RAD51B: variants seen among roughly 807,000 people sequenced by gnomAD.
RAD51B encodes DNA repair protein RAD51 homolog 2.
A neutral mutation model predicts 42.2 loss-of-function variants in RAD51B; 38 were observed. The ratio of observed to expected loss-of-function variants is 0.90; its 90% confidence interval spans 0.70 to 1.18. RAD51B has a LOEUF of 1.18. Ranked by LOEUF, RAD51B falls within the 50% of genes most tolerant of loss-of-function variation. The pLI, the probability that RAD51B is intolerant of heterozygous loss-of-function variation, is 0.00. For synonymous variants in RAD51B, 154 were observed against 145.2 expected (o/e 1.06, Z -0.43); for missense variants, 373 against 400.7 (o/e 0.93, Z 0.59).
At chr14:68,198,732 C>G (rs943356926) in intron 7 of RAD51B, among the ~76,000 whole-genome samples, 2 of 152,076 alleles carry the variant, frequency 1.3e-5, no homozygotes, top group South Asian at 4.1e-4. Flanking sequence ...ATTATTATTT[C>G]TATATTATTA....
chr14:67,893,507 CACAAAA>C (rs1164351808), intron 7 of RAD51B, among the ~76,000 whole-genome samples: 930 of 75,376 alleles, frequency 0.012, 16 homozygotes, highest in East Asian at 0.037. Context: ...CACACACACA[CACAAAA>C]AAAAACAATT....
At chr14:68,285,431 ATGAAAGGCAGAGCCTCGTCACTT>A (rs893559306) in intron 7 of RAD51B, among the ~76,000 whole-genome samples, 7 of 152,346 alleles carry the variant, frequency 4.6e-5, no homozygotes, top group African/African-American at 1.7e-4. Context: ...TTCAGAGCTG[ATGAAAGGCAGAGCCTCGTCACTT>A]TGAAAGCATT....
chr14:68,062,080 T>C (rs1392244128), intron 7 of RAD51B, among the ~76,000 whole-genome samples: 1 of 152,196 alleles, frequency 6.6e-6, no homozygotes, highest in Non-Finnish European at 1.5e-5. Context: ...CCTTCTATAC[T>C]GAATTCATTG....
intron 8 of RAD51B, among the ~76,000 whole-genome samples, chr14:68,335,432 A>G (rs548380241): frequency 1.2e-4 from 19 of 152,200 alleles, no homozygotes; most frequent in Non-Finnish European, 2.2e-4. Context: ...TACAATCAGC[A>G]TACTTTAGTC....
intron 11 of RAD51B, among the ~76,000 whole-genome samples, chr14:68,682,368 G>T (rs1893450198): frequency 6.6e-6 from 1 of 152,176 alleles, no homozygotes. Context: ...GCCAGTTCCA[G>T]TTGTCAGACA....
chr14:67,926,667 G>A (rs552190385), intron 7 of RAD51B, among the ~76,000 whole-genome samples: 8 of 147,454 alleles, frequency 5.4e-5, no homozygotes, highest in East Asian at 2.0e-4. Context: ...GGGTTCAAGC[G>A]ATTCTCCTGC....
At chr14:68,279,573 T>C (rs2081283677) in intron 7 of RAD51B, among the ~76,000 whole-genome samples, 1 of 152,202 alleles carries the variant, frequency 6.6e-6, no homozygotes, top group Non-Finnish European at 1.5e-5. Context: ...CTATCACCTC[T>C]ATCCTAGCTG....
chr14:68,237,790 C>A (rs1409118733), intron 7 of RAD51B, among the ~76,000 whole-genome samples: 3 of 131,076 alleles, frequency 2.3e-5, no homozygotes, highest in Non-Finnish European at 3.1e-5. Context: ...GGCTGGAGTG[C>A]AGTGGTGCAA....
intron 7 of RAD51B, among the ~76,000 whole-genome samples, chr14:68,055,723 C>T (rs2076463154): frequency 6.6e-6 from 1 of 152,162 alleles, no homozygotes; most frequent in Non-Finnish European, 1.5e-5. Context: ...ATGAAACACG[C>T]ATCTGACAGC....
chr14:68,426,930 C>T (rs1199302078), intron 9 of RAD51B, among the ~76,000 whole-genome samples: 1 of 152,162 alleles, frequency 6.6e-6, no homozygotes, highest in Non-Finnish European at 1.5e-5. Flanking sequence ...TTTCCAGGGC[C>T]ACTCAGGACG....
intron 7 of RAD51B, among the ~76,000 whole-genome samples, chr14:68,141,995 G>A (rs1419395721): frequency 6.6e-6 from 1 of 152,116 alleles, no homozygotes; most frequent in Non-Finnish European, 1.5e-5. Flanking sequence ...TTAATTTTGA[G>A]TGCTTTTATG....
intron 10 of RAD51B, among the ~76,000 whole-genome samples, chr14:68,501,160 G>T (rs1884891767): frequency 6.6e-6 from 1 of 152,196 alleles, no homozygotes; most frequent in Admixed American, 6.5e-5. Flanking sequence ...CCACAGGCCT[G>T]CAGATTTCCT....
At chr14:68,610,837 A>ATGTGTGTG (rs1273814997) in intron 10 of RAD51B, among the ~76,000 whole-genome samples, 1 of 98,154 alleles carries the variant, frequency 1.0e-5, no homozygotes, top group Non-Finnish European at 2.0e-5. Context: ...CCACATCTGA[A>ATGTGTGTG]TGTATATGTG....
At chr14:68,399,546 C>G (rs1265169186) in intron 8 of RAD51B, among the ~76,000 whole-genome samples, 3 of 152,194 alleles carry the variant, frequency 2.0e-5, no homozygotes, top group African/African-American at 4.8e-5. Context: ...CGTGAGCCAC[C>G]AAGCCCAGCT....
At chr14:68,427,857 C>T (rs900210483) in intron 9 of RAD51B, among the ~76,000 whole-genome samples, 3 of 152,018 alleles carry the variant, frequency 2.0e-5, no homozygotes, top group African/African-American at 7.2e-5. Flanking sequence ...GAACATGTCC[C>T]AAAAAATACA....
chr14:68,452,742 G>T (rs764759123), intron 9 of RAD51B, among the ~76,000 whole-genome samples: 4 of 152,160 alleles, frequency 2.6e-5, no homozygotes, highest in African/African-American at 9.7e-5. Context: ...ATGACGTACC[G>T]CATTTTTCAC....
intron 10 of RAD51B, among the ~76,000 whole-genome samples, chr14:68,530,219 G>A (rs932237418): frequency 6.6e-6 from 1 of 151,928 alleles, no homozygotes; most frequent in Non-Finnish European, 1.5e-5. Flanking sequence ...AGAGGCAGGA[G>A]GATCTCTTGA....
chr14:68,361,681 T>A (rs2083027802), intron 8 of RAD51B, among the ~76,000 whole-genome samples: 1 of 152,116 alleles, frequency 6.6e-6, no homozygotes, highest in Non-Finnish European at 1.5e-5. Flanking sequence ...CTTTTGTTTG[T>A]CTGTTTGTTT....
At chr14:67,987,361 G>A (rs952749671) in intron 7 of RAD51B, among the ~76,000 whole-genome samples, 14 of 151,914 alleles carry the variant, frequency 9.2e-5, no homozygotes, top group African/African-American at 2.7e-4. Flanking sequence ...CCAGCCTCTG[G>A]TAACCACCAT....
Sources: gnomAD v4.1 joint callset for allele counts (sites outside exome capture counted in the v4.1 genomes callset) on GRCh38, gnomAD v4.1.1 for gene constraint, MANE v1.5 for transcripts, NCBI Gene and HGNC (gene_info 2026-07-23, HGNC 2026-07-21) for gene names.